The following RSPO2 variants were observed in gnomAD, a reference collection of about 807,000 sequenced individuals.
The protein encoded by RSPO2 is R-spondin 2.
RSPO2 carries 14 observed loss-of-function variants against 30.9 expected under a neutral mutation model. The observed-to-expected ratio is 0.45, with a 90% CI of 0.30 to 0.71. The LOEUF is 0.71. Among genes scored for constraint, RSPO2 ranks in the 30% least tolerant of loss-of-function variants. The pLI is 0.08. For missense variants in RSPO2, 264 were observed against 301.9 expected, an observed-to-expected ratio of 0.87 and a Z score of 0.93; for synonymous variants, 107 against 96.4, an observed-to-expected ratio of 1.11 and a Z score of -0.64.
chr8:108,071,697 G>T (rs1022649084), intron 2 of RSPO2, among the ~76,000 whole-genome samples: 4 of 152,156 alleles, frequency 2.6e-5, no homozygotes, highest in Admixed American at 2.6e-4. Flanking sequence ...GAAGAGCCCA[G>T]AACTAACAAG....
At chr8:108,022,606 CTT>C (rs1157624127) in intron 2 of RSPO2, among the ~76,000 whole-genome samples, 2 of 152,092 alleles carry the variant, frequency 1.3e-5, no homozygotes, top group Non-Finnish European at 2.9e-5. Context: ...TGTTGAACAT[CTT>C]AAATACAAAC....
intron 4 of RSPO2, among the ~76,000 whole-genome samples, chr8:107,959,594 G>A (rs1183005770): frequency 6.6e-6 from 1 of 152,074 alleles, no homozygotes; most frequent in Non-Finnish European, 1.5e-5. Flanking sequence ...TTTATTCAGG[G>A]AATGCATAAG....
chr8:108,007,426 T>A (rs1037339400), intron 2 of RSPO2, among the ~76,000 whole-genome samples: 9 of 152,134 alleles, frequency 5.9e-5, no homozygotes, highest in Admixed American at 2.6e-4. Flanking sequence ...ATGAGAAAAG[T>A]TGCCTTTATA....
At chr8:107,947,151 T>TC (rs1435760042) in intron 5 of RSPO2, among the ~76,000 whole-genome samples, 3 of 152,246 alleles carry the variant, frequency 2.0e-5, no homozygotes, top group African/African-American at 7.2e-5. Context: ...CTTTTGCTAG[T>TC]CAGCGGCATG....
chr8:108,058,209 G>C (rs1000912837), intron 2 of RSPO2, among the ~76,000 whole-genome samples: 4 of 152,066 alleles, frequency 2.6e-5, no homozygotes, highest in Admixed American at 1.3e-4. Flanking sequence ...ACCAATAACA[G>C]ACAAACAGAG....
intron 2 of RSPO2, among the ~76,000 whole-genome samples, chr8:108,022,270 CAG>C (rs150106837): frequency 2.0e-5 from 3 of 151,942 alleles, no homozygotes; most frequent in African/African-American, 4.8e-5. Flanking sequence ...TTTCAAATAG[CAG>C]AGAGAGAGAG....
At chr8:107,920,788 T>G (rs1041303710) in intron 5 of RSPO2, among the ~76,000 whole-genome samples, 6 of 152,150 alleles carry the variant, frequency 3.9e-5, no homozygotes, top group African/African-American at 1.4e-4. Context: ...CTATGGGAAT[T>G]TTCTATATTA....
chr8:108,047,334 A>T (rs6993174), intron 2 of RSPO2, among the ~76,000 whole-genome samples: 10,176 of 152,290 alleles, frequency 0.067, 548 homozygotes, highest in South Asian at 0.14. Flanking sequence ...TGCCTAGTAT[A>T]TGCAAGGAGA....
At chr8:107,958,042 A>C (rs1021958988) in intron 5 of RSPO2, 38 bp downstream of exon 5, 35 of 1,318,036 alleles carry the variant, frequency 2.7e-5, no homozygotes, top group Non-Finnish European at 3.5e-5. Flanking sequence ...GAATTCAGGA[A>C]GCACACAGCA....
chr8:108,053,305 T>C (rs1361545704), intron 2 of RSPO2, among the ~76,000 whole-genome samples: 1 of 152,178 alleles, frequency 6.6e-6, no homozygotes. Flanking sequence ...CCTCCATACC[T>C]AGAATCTCAA....
At chr8:107,929,275 A>C (rs1338804139) in intron 5 of RSPO2, among the ~76,000 whole-genome samples, 1 of 152,228 alleles carries the variant, frequency 6.6e-6, no homozygotes, top group Non-Finnish European at 1.5e-5. Flanking sequence ...CGAAGTGAGG[A>C]TCATACAACA....
At chr8:107,984,943 A>AAC (rs1213393305) in intron 3 of RSPO2, among the ~76,000 whole-genome samples, 1 of 152,136 alleles carries the variant, frequency 6.6e-6, no homozygotes, top group Non-Finnish European at 1.5e-5. Flanking sequence ...TAGTTCATTA[A>AAC]ACACTCCATT....
intron 2 of RSPO2, among the ~76,000 whole-genome samples, chr8:108,013,576 A>C (rs1321285556): frequency 6.6e-6 from 1 of 152,218 alleles, no homozygotes; most frequent in African/African-American, 2.4e-5. Flanking sequence ...TCTTTGACAA[A>C]CCTGACAAAA....
In RSPO2 at chr8:107,949,956, G is replaced by A. The variant is rs558813937; in HGVS notation, c.616+8124C>T. On this transcript the variant is annotated intron_variant, in intron 5 of 5. Transcript: ENST00000276659. ...CTTCAGCCTTCATCCAAGGATAAACGCCAAGCTGCTTTCTACCTTTTGGAA... is the reference window on the plus strand; with the variant it reads ...CTTCAGCCTTCATCCAAGGATAAACACCAAGCTGCTTTCTACCTTTTGGAA... Among the ~76,000 whole-genome samples the A allele has an allele frequency of 5.1e-4, 77 of 152,192 alleles. 1 individual carries two copies. The highest frequency in any genetic ancestry group is 1.4e-3 in the Admixed American group (22 of 15,282).
Position 107,958,268 on chromosome 8 carries a change from T to C in RSPO2, c.428A>G (p.Glu143Gly). The part of the protein sequence containing the change: ...APLEETMECV[E>G]GCEVGHWSEW... ...GCTCCAATGACCAACTTCACATCCT[T>C]CTAGTAAAGATTTTTAGAAAAAGAA... The change falls in exon 5 of 6, where the codon GAA (glutamate) becomes GGA (glycine). Residue 143 changes from glutamate to glycine, a missense_variant and splice_region_variant. Transcript: ENST00000276659. 2 of 1,606,480 alleles carry C rather than the reference T, an allele frequency of 1.2e-6. No individual in the cohort carries two copies. Among genetic ancestry groups the C allele is most frequent in the Non-Finnish European group, 1.7e-6 (2 of 1,176,376 alleles).
chr8:108,022,589 C>G (rs1021683712), intron 2 of RSPO2, among the ~76,000 whole-genome samples: 1 of 152,070 alleles, frequency 6.6e-6, no homozygotes, highest in Non-Finnish European at 1.5e-5. Context: ...ATTTACATAT[C>G]AAAACATGTT....
chr8:108,049,136 A>C (rs918737730), intron 2 of RSPO2, among the ~76,000 whole-genome samples: 3 of 151,956 alleles, frequency 2.0e-5, no homozygotes, highest in Non-Finnish European at 4.4e-5. Context: ...ATTAGGAGAA[A>C]TACCTAATGT....
intron 2 of RSPO2, among the ~76,000 whole-genome samples, chr8:108,010,292 A>G (rs1810660320): frequency 6.6e-6 from 1 of 152,200 alleles, no homozygotes; most frequent in South Asian, 2.1e-4. Flanking sequence ...ATGTGCTATA[A>G]CCTTCGGGAA....
intron 2 of RSPO2, among the ~76,000 whole-genome samples, chr8:108,081,336 G>A (rs576438454): frequency 3.3e-5 from 5 of 152,308 alleles, no homozygotes; most frequent in South Asian, 4.1e-4. Flanking sequence ...CTGGATGCAG[G>A]AGCGGAGATT....
Sources: gnomAD v4.1 joint callset for allele counts (sites outside exome capture counted in the v4.1 genomes callset) on GRCh38, gnomAD v4.1.1 for gene constraint, MANE v1.5 for transcripts, NCBI Gene and HGNC (gene_info 2026-07-23, HGNC 2026-07-21) for gene names.